ZMAT4: variants seen among roughly 807,000 people sequenced by gnomAD.
ZMAT4 encodes the protein zinc finger matrin-type 4.
Under a neutral mutation model 28.7 loss-of-function variants are expected in ZMAT4, and 17 were observed. The ratio of observed to expected loss-of-function variants is 0.59; its 90% CI spans 0.41 to 0.89. The LOEUF is 0.89. Ranked by LOEUF, ZMAT4 falls within the 40% of genes least tolerant of loss-of-function variation. The probability of loss-of-function intolerance (pLI) is 0.00; values close to 1 mark genes in which losing one functional copy is unlikely to be tolerated. For synonymous variants in ZMAT4, 117 were observed against 109.2 expected, an observed-to-expected ratio of 1.07 and a Z score of -0.44; for missense variants, 240 against 283.8, an observed-to-expected ratio of 0.85 and a Z score of 1.11.
At position 40,853,172 on chromosome 8, in the gene ZMAT4, G is replaced by T. The variant is rs769067474; in HGVS notation, c.-4-27492C>A. 1.2e-4 allele frequency among the ~76,000 whole-genome samples: 19 copies of T among 152,164 alleles called. 1 individual carries two copies. The highest frequency in any genetic ancestry group is 2.4e-4 in the Non-Finnish European group (16 of 68,036). On this transcript the variant is annotated intron_variant, in intron 1 of 6. Transcript: ENST00000297737. ...TTCCCCAAGACAATCTTTGTACTTTGGTAGGAGGCAGAAGTCCTTTATGTA... is the reference window on the plus strand; with the variant it reads ...TTCCCCAAGACAATCTTTGTACTTTTGTAGGAGGCAGAAGTCCTTTATGTA...
chr8:40,647,781 C>T (rs1286998705), intron 5 of ZMAT4, among the ~76,000 whole-genome samples: 2 of 152,212 alleles, frequency 1.3e-5, no homozygotes, highest in Non-Finnish European at 2.9e-5. Flanking sequence ...GACCCCCGAG[C>T]AGCCTAACTG....
rs747508697 is a variant in ZMAT4, at chr8:40,697,300, G to T, written c.294C>A (p.Ile98=). 5.0e-6 allele frequency: 8 copies of T among 1,613,756 alleles called. No individual in the cohort carries two copies. The highest frequency in any genetic ancestry group is 3.3e-5 in the Admixed American group (2 of 59,974). ...GCAAGAGTTTTAACCTCTTGGCGTG[G>T]ATTTTGCCTTGATAATGGGAATCGG... ...VVADSHYQGK[I]HAKRLKLLLG... is the part of the protein sequence containing the mutation. The change falls in exon 4 of 7, where the codon ATC becomes ATA. Residue 98 remains isoleucine (I), a synonymous_variant. Coordinates refer to ENST00000297737, the MANE Select transcript of ZMAT4 (RefSeq NM_024645.3).
At chr8:40,606,644 T>A (rs556436561) in intron 5 of ZMAT4, among the ~76,000 whole-genome samples, 48 of 152,368 alleles carry the variant, frequency 3.2e-4, no homozygotes, top group African/African-American at 1.1e-3. Flanking sequence ...GATAACCTGA[T>A]GACTATGTGC....
chr8:40,792,483 G>GGAAGGAAGGAAA (rs530415444), intron 2 of ZMAT4, among the ~76,000 whole-genome samples: 3,622 of 16,434 alleles, frequency 0.22, 402 homozygotes, highest in Non-Finnish European at 0.31. Context: ...CAGGAAGGAA[G>GGAAGGAAGGAAA]GAAGGAAGGA....
chr8:40,534,382 A>T (rs1802782375), intron 6 of ZMAT4, among the ~76,000 whole-genome samples: 2 of 152,204 alleles, frequency 1.3e-5, no homozygotes, highest in African/African-American at 4.8e-5. Flanking sequence ...TCCAAGAAGA[A>T]AATTCTTTTT....
At chr8:40,753,009 G>T (rs1246231956) in intron 3 of ZMAT4, among the ~76,000 whole-genome samples, 1 of 151,996 alleles carries the variant, frequency 6.6e-6, no homozygotes, top group Non-Finnish European at 1.5e-5. Context: ...AGCCCTGTAT[G>T]CATTAGGTAT....
chr8:40,577,481 A>C (rs1213907246), intron 6 of ZMAT4, among the ~76,000 whole-genome samples: 1 of 152,216 alleles, frequency 6.6e-6, no homozygotes, highest in Non-Finnish European at 1.5e-5. Flanking sequence ...CTGATCTCAT[A>C]GAAGTAGAGT....
chr8:40,729,925 A>G (rs768525238), intron 3 of ZMAT4, among the ~76,000 whole-genome samples: 1 of 152,212 alleles, frequency 6.6e-6, no homozygotes, highest in African/African-American at 2.4e-5. Flanking sequence ...TTAAAAAAAC[A>G]AAATTATTTG....
chr8:40,891,826 A>T (rs1485212940), intron 1 of ZMAT4, among the ~76,000 whole-genome samples: 1 of 152,142 alleles, frequency 6.6e-6, no homozygotes. Flanking sequence ...TGTCCTCTTG[A>T]TGCCTAGCTC....
intron 5 of ZMAT4, among the ~76,000 whole-genome samples, chr8:40,601,448 G>A (rs56375243): frequency 0.094 from 6,664 of 70,558 alleles, 897 homozygotes; most frequent in East Asian, 0.28. Flanking sequence ...AAGGAAGGAA[G>A]GAAGGAAGGG....
At chr8:40,689,041 G>A (rs899634833) in intron 4 of ZMAT4, among the ~76,000 whole-genome samples, 2 of 152,240 alleles carry the variant, frequency 1.3e-5, no homozygotes, top group African/African-American at 2.4e-5. Flanking sequence ...GATAGAGACC[G>A]GAGCAGCTTA....
chr8:40,681,032 C>G (rs1472239662), intron 4 of ZMAT4, among the ~76,000 whole-genome samples: 1 of 152,178 alleles, frequency 6.6e-6, no homozygotes, highest in Non-Finnish European at 1.5e-5. Flanking sequence ...TTTACTATGT[C>G]TGTTCCTTGT....
intron 6 of ZMAT4, among the ~76,000 whole-genome samples, chr8:40,541,784 G>C (rs1281994903): frequency 6.6e-6 from 1 of 152,202 alleles, no homozygotes; most frequent in Admixed American, 6.5e-5. Context: ...AATAATTTGT[G>C]TCTCTCTCTC....
intron 2 of ZMAT4, among the ~76,000 whole-genome samples, chr8:40,780,555 G>A (rs1158873598): frequency 6.6e-6 from 1 of 152,094 alleles, no homozygotes; most frequent in African/African-American, 2.4e-5. Context: ...ACAAAACCAA[G>A]TGAAACAAAA....
intron 3 of ZMAT4, among the ~76,000 whole-genome samples, chr8:40,766,094 TA>T (rs1458033670): frequency 1.3e-5 from 2 of 152,228 alleles, no homozygotes; most frequent in African/African-American, 4.8e-5. Context: ...CTCCATCTGG[TA>T]AAATCCATTC....
intron 5 of ZMAT4, among the ~76,000 whole-genome samples, chr8:40,608,928 G>C (rs1805696440): frequency 6.6e-6 from 1 of 152,130 alleles, no homozygotes; most frequent in African/African-American, 2.4e-5. Flanking sequence ...TTTTACAGCT[G>C]TCTCACAGTG....
chr8:40,552,244 A>G (rs578075904), intron 6 of ZMAT4, among the ~76,000 whole-genome samples: 2 of 152,168 alleles, frequency 1.3e-5, no homozygotes, highest in Non-Finnish European at 2.9e-5. Context: ...AATGTACCCA[A>G]TGTACACCCT....
chr8:40,644,608 A>G (rs974528159), intron 5 of ZMAT4, among the ~76,000 whole-genome samples: 10 of 152,200 alleles, frequency 6.6e-5, no homozygotes, highest in African/African-American at 2.4e-4. Flanking sequence ...TAAACCTCAC[A>G]TGCAGAATTA....
chr8:40,627,176 A>G (rs528903036), intron 5 of ZMAT4, among the ~76,000 whole-genome samples: 64 of 152,316 alleles, frequency 4.2e-4, no homozygotes, highest in African/African-American at 1.5e-3. Flanking sequence ...TTTGTCCTTG[A>G]AAATCTGAGA....
Sources: gnomAD v4.1 joint callset for allele counts (sites outside exome capture counted in the v4.1 genomes callset) on GRCh38, gnomAD v4.1.1 for gene constraint, MANE v1.5 for transcripts, NCBI Gene and HGNC (gene_info 2026-07-23, HGNC 2026-07-21) for gene names.